The following LHFPL3 variants were observed in gnomAD, a reference collection of about 807,000 sequenced individuals.
The protein encoded by LHFPL3 is LHFPL tetraspan subfamily member 3.
A neutral mutation model predicts 19.3 loss-of-function variants in LHFPL3; 5 were observed. The observed-to-expected ratio is 0.26, with a 90% CI of 0.14 to 0.54. The LOEUF (loss-of-function observed/expected upper bound fraction) is 0.54, where lower values mean the gene tolerates loss of function less well. Ranked by LOEUF, LHFPL3 falls within the 20% of genes least tolerant of loss-of-function variation. The pLI is 0.94. For synonymous variants in LHFPL3, 133 were observed against 126.2 expected (o/e 1.05, Z -0.36); for missense variants, 249 against 307.4 (o/e 0.81, Z 1.42).
intron 1 of LHFPL3, among the ~76,000 whole-genome samples, chr7:104,682,905 C>A (rs1269037191): frequency 6.6e-6 from 1 of 152,206 alleles, no homozygotes; most frequent in Non-Finnish European, 1.5e-5. Context: ...TTAGAAAACA[C>A]AAACTGCCAC....
chr7:104,513,057 C>T (rs537444894), intron 1 of LHFPL3, among the ~76,000 whole-genome samples: 1 of 152,200 alleles, frequency 6.6e-6, no homozygotes, highest in African/African-American at 2.4e-5. Flanking sequence ...AACTTGATTC[C>T]CACAAGATGA....
chr7:104,543,850 G>A (rs1449267846), intron 1 of LHFPL3, among the ~76,000 whole-genome samples: 1 of 150,078 alleles, frequency 6.7e-6, no homozygotes, highest in Non-Finnish European at 1.5e-5. Flanking sequence ...CACCAACATG[G>A]CACATGTATA....
chr7:104,845,136 A>G (rs897341700), intron 2 of LHFPL3, among the ~76,000 whole-genome samples: 4 of 152,208 alleles, frequency 2.6e-5, no homozygotes, highest in African/African-American at 9.6e-5. Flanking sequence ...AAACCACAGC[A>G]CGGGAAGGTA....
chr7:104,901,042 A>G (rs954444230), intron 2 of LHFPL3, among the ~76,000 whole-genome samples: 2 of 152,204 alleles, frequency 1.3e-5, no homozygotes, highest in Non-Finnish European at 2.9e-5. Context: ...CAAGGTGGCA[A>G]TTACACCACA....
chr7:104,887,089 G>A (rs1792164175), intron 2 of LHFPL3, among the ~76,000 whole-genome samples: 1 of 152,246 alleles, frequency 6.6e-6, no homozygotes, highest in African/African-American at 2.4e-5. Context: ...GCCAAAACTT[G>A]TTATACTGGC....
At position 104,622,570 on chromosome 7, in the gene LHFPL3, C is replaced by G. The variant is rs565942325; in HGVS notation, c.446-114105C>G. 1.8e-4 allele frequency among the ~76,000 whole-genome samples: 28 copies of G among 152,260 alleles called. No individual in the cohort carries two copies. In the South Asian group the frequency reaches 5.4e-3, roughly 29 times the overall value. ...TAGAACATTTTAATCTCCATCCCCC[C>G]CAAAAATCCTCATACCCATTAGCAA... On this transcript the variant is annotated intron_variant, in intron 1 of 2. Transcript: ENST00000424859.
chr7:104,563,003 G>C (rs1182328730), intron 1 of LHFPL3, among the ~76,000 whole-genome samples: 1 of 152,194 alleles, frequency 6.6e-6, no homozygotes, highest in African/African-American at 2.4e-5. Context: ...CGGGGGTCAG[G>C]GGTCAGGGAC....
chr7:104,594,678 C>G (rs1274830140), intron 1 of LHFPL3, among the ~76,000 whole-genome samples: 1 of 152,182 alleles, frequency 6.6e-6, no homozygotes, highest in Non-Finnish European at 1.5e-5. Context: ...GTACACCAAT[C>G]GAACGTAGAT....
intron 1 of LHFPL3, among the ~76,000 whole-genome samples, chr7:104,437,730 G>C (rs1263673063): frequency 5.3e-5 from 8 of 152,072 alleles, no homozygotes; most frequent in Non-Finnish European, 8.8e-5. Flanking sequence ...GCTGGTTATG[G>C]GGGTAGGGAC....
At chr7:104,632,933 C>A (rs1378818609) in intron 1 of LHFPL3, among the ~76,000 whole-genome samples, 1 of 152,148 alleles carries the variant, frequency 6.6e-6, no homozygotes, top group East Asian at 1.9e-4. Context: ...AGATTACAGG[C>A]ATGAGTCATG....
chr7:104,513,085 TTAAAA>T (rs1427515487), intron 1 of LHFPL3, among the ~76,000 whole-genome samples: 1 of 152,190 alleles, frequency 6.6e-6, no homozygotes, highest in African/African-American at 2.4e-5. Context: ...AAAATATGTA[TTAAAA>T]TAAAAACCAT....
intron 2 of LHFPL3, among the ~76,000 whole-genome samples, chr7:104,856,027 A>T (rs1041285638): frequency 2.0e-5 from 3 of 152,008 alleles, no homozygotes; most frequent in Non-Finnish European, 4.4e-5. Context: ...TTATTCTTTT[A>T]CCCATGTGAG....
chr7:104,872,176 A>G (rs1791849915), intron 2 of LHFPL3, among the ~76,000 whole-genome samples: 1 of 151,072 alleles, frequency 6.6e-6, no homozygotes, highest in African/African-American at 2.4e-5. Context: ...ATCTCTACTA[A>G]AAATACAAAA....
intron 2 of LHFPL3, among the ~76,000 whole-genome samples, chr7:104,765,166 C>T (rs924440786): frequency 2.0e-4 from 31 of 152,212 alleles, no homozygotes; most frequent in African/African-American, 7.2e-4. Flanking sequence ...TTCTGATAAA[C>T]CTAAATAAAA....
rs888451188 is a variant in LHFPL3 at position 104,642,123 on chromosome 7, T to G, written c.446-94552T>G. On this transcript the variant is annotated intron_variant, in intron 1 of 2. Coordinates refer to ENST00000424859, the MANE Select transcript of LHFPL3 (RefSeq NM_199000.3). ...TGCAATCTCAGCTCACTGCAGCCTC[T>G]GCCTCCCAGGTTCAAGCGATTCTCA... is the stretch of plus-strand genomic sequence containing the variant. Among the ~76,000 whole-genome samples the G allele has an allele frequency of 4.7e-5, 7 of 148,368 alleles. No individual in the cohort carries two copies. The Admixed American group carries it at 4.8e-4, about 10-fold the overall frequency.
At chr7:104,513,773 A>T (rs1793866893) in intron 1 of LHFPL3, among the ~76,000 whole-genome samples, 1 of 152,170 alleles carries the variant, frequency 6.6e-6, no homozygotes, top group African/African-American at 2.4e-5. Context: ...AAGAATTCTG[A>T]TTAAAGTGAT....
intron 2 of LHFPL3, among the ~76,000 whole-genome samples, chr7:104,852,145 ACTG>A (rs1234513961): frequency 2.0e-5 from 3 of 152,076 alleles, no homozygotes; most frequent in African/African-American, 7.2e-5. Flanking sequence ...ACCAGCATTA[ACTG>A]CTGAAGCCAT....
At chr7:104,538,003 G>C (rs757136428) in intron 1 of LHFPL3, among the ~76,000 whole-genome samples, 14 of 152,140 alleles carry the variant, frequency 9.2e-5, no homozygotes, top group Non-Finnish European at 2.1e-4. Context: ...TCTCCTGTGA[G>C]GGATGGTTTC....
intron 1 of LHFPL3, among the ~76,000 whole-genome samples, chr7:104,377,499 T>G (rs1175584756): frequency 6.6e-6 from 1 of 152,166 alleles, no homozygotes; most frequent in Non-Finnish European, 1.5e-5. Flanking sequence ...TGGAAAAGCA[T>G]CTCTCCATTA....
Sources: gnomAD v4.1 joint callset for allele counts (sites outside exome capture counted in the v4.1 genomes callset) on GRCh38, gnomAD v4.1.1 for gene constraint, MANE v1.5 for transcripts, NCBI Gene and HGNC (gene_info 2026-07-23, HGNC 2026-07-21) for gene names.